Variants in ANGPT1 observed in about 807,000 individuals in gnomAD.
ANGPT1 encodes angiopoietin-1.
Under a neutral mutation model 62.2 loss-of-function variants are expected in ANGPT1, and 17 were observed. The ratio of observed to expected loss-of-function variants is 0.27; its 90% CI spans 0.19 to 0.41. The LOEUF is 0.41. Among genes scored for constraint, ANGPT1 ranks in the 10% least tolerant of loss-of-function variants. The pLI is 1.00. For missense variants in ANGPT1, 478 were observed against 594.9 expected, an observed-to-expected ratio of 0.80 and a Z score of 2.04; for synonymous variants, 199 against 198.9, an observed-to-expected ratio of 1.00 and a Z score of 0.00.
At chr8:107,328,032 C>T (rs954557485) in intron 3 of ANGPT1, among the ~76,000 whole-genome samples, 3 of 152,048 alleles carry the variant, frequency 2.0e-5, no homozygotes, top group Admixed American at 6.6e-5. Context: ...GAGTTCTTAA[C>T]ATAGCAGCCA....
chr8:107,362,721 G>A (rs1352788022), intron 1 of ANGPT1, among the ~76,000 whole-genome samples: 5 of 152,090 alleles, frequency 3.3e-5, no homozygotes, highest in Non-Finnish European at 2.9e-5. Context: ...AGTCTAATGA[G>A]TTTACTGGAA....
intron 1 of ANGPT1, among the ~76,000 whole-genome samples, chr8:107,374,054 C>T (rs952244768): frequency 1.3e-5 from 2 of 152,164 alleles, no homozygotes; most frequent in Non-Finnish European, 2.9e-5. Flanking sequence ...GACCTTAATT[C>T]CCATTTAAGA....
chr8:107,467,133 T>C (rs1812224808), intron 1 of ANGPT1, among the ~76,000 whole-genome samples: 2 of 152,056 alleles, frequency 1.3e-5, no homozygotes, highest in South Asian at 2.1e-4. Context: ...AATTTTAAAA[T>C]AACTAAAAGA....
At chr8:107,389,987 G>A (rs1160351260) in intron 1 of ANGPT1, among the ~76,000 whole-genome samples, 2 of 150,190 alleles carry the variant, frequency 1.3e-5, no homozygotes, top group Non-Finnish European at 3.0e-5. Flanking sequence ...CACAAAATTG[G>A]CATTTTATTG....
intron 6 of ANGPT1, among the ~76,000 whole-genome samples, chr8:107,286,545 G>A (rs149830410): frequency 0.011 from 1,699 of 151,862 alleles, 20 homozygotes; most frequent in Middle Eastern, 0.02. Context: ...TTTGGCCCTC[G>A]TTTTATTTTT....
chr8:107,421,637 G>A (rs1303010374), intron 1 of ANGPT1, among the ~76,000 whole-genome samples: 1 of 152,138 alleles, frequency 6.6e-6, no homozygotes, highest in Non-Finnish European at 1.5e-5. Flanking sequence ...TATCAGGTCC[G>A]GTGTGAAAGC....
At chr8:107,489,358 G>C (rs951739147) in intron 1 of ANGPT1, among the ~76,000 whole-genome samples, 1 of 152,030 alleles carries the variant, frequency 6.6e-6, no homozygotes, top group Non-Finnish European at 1.5e-5. Flanking sequence ...CACATTCCTA[G>C]ATAGACCTCT....
At chr8:107,313,044 C>T (rs375027876) in intron 4 of ANGPT1, among the ~76,000 whole-genome samples, 29 of 152,094 alleles carry the variant, frequency 1.9e-4, no homozygotes, top group African/African-American at 6.3e-4. Flanking sequence ...ACCAAATTTC[C>T]ACTTAAAATT....
intron 3 of ANGPT1, among the ~76,000 whole-genome samples, chr8:107,324,911 T>C (rs1815250883): frequency 6.6e-6 from 1 of 152,170 alleles, no homozygotes; most frequent in Non-Finnish European, 1.5e-5. Flanking sequence ...CCTGCACCGA[T>C]CATAAAGTAA....
At chr8:107,362,941 T>A (rs972199026) in intron 1 of ANGPT1, among the ~76,000 whole-genome samples, 3 of 152,174 alleles carry the variant, frequency 2.0e-5, no homozygotes, top group African/African-American at 7.2e-5. Context: ...AAATAGAGAA[T>A]CTTTGCAATC....
intron 1 of ANGPT1, among the ~76,000 whole-genome samples, chr8:107,435,499 A>C (rs550463623): frequency 2.6e-5 from 4 of 152,292 alleles, no homozygotes; most frequent in African/African-American, 9.6e-5. Flanking sequence ...TAATTTTACC[A>C]TTTTAACAAA....
At chr8:107,255,322 T>C (rs1222751626) in intron 8 of ANGPT1, among the ~76,000 whole-genome samples, 2 of 151,792 alleles carry the variant, frequency 1.3e-5, no homozygotes, top group Admixed American at 6.6e-5. Context: ...CAGGGGAGAG[T>C]GTCTGCCAGC....
chr8:107,414,830 T>C (rs1300572977), intron 1 of ANGPT1, among the ~76,000 whole-genome samples: 2 of 152,192 alleles, frequency 1.3e-5, no homozygotes, highest in Non-Finnish European at 2.9e-5. Context: ...GAGAGGAATC[T>C]ATGAATAGCC....
chr8:107,257,578 C>T (rs1414611851), intron 8 of ANGPT1, among the ~76,000 whole-genome samples: 2 of 152,082 alleles, frequency 1.3e-5, no homozygotes, highest in Non-Finnish European at 2.9e-5. Context: ...TTCTTTTGTT[C>T]GTTTTCAATG....
chr8:107,314,637 A>C (rs1814970817), intron 4 of ANGPT1, among the ~76,000 whole-genome samples: 2 of 152,326 alleles, frequency 1.3e-5, no homozygotes, highest in East Asian at 1.9e-4. Flanking sequence ...GGAAATTGTA[A>C]ATGTTTGACA....
At chr8:107,390,359 T>C (rs1481336003) in intron 1 of ANGPT1, among the ~76,000 whole-genome samples, 1 of 152,064 alleles carries the variant, frequency 6.6e-6, no homozygotes, top group African/African-American at 2.4e-5. Flanking sequence ...ACGTAATTCA[T>C]TGTGACTGTG....
At chr8:107,387,796 T>A (rs1025388592) in intron 1 of ANGPT1, among the ~76,000 whole-genome samples, 3 of 149,866 alleles carry the variant, frequency 2.0e-5, no homozygotes, top group African/African-American at 7.3e-5. Flanking sequence ...GGTTTTTTTT[T>A]AAGATTAAAT....
chr8:107,346,990 G>C lies in ANGPT1; in HGVS notation c.405C>G (p.Leu135=), dbSNP rs1815818586. The change falls in exon 2 of 9, where the codon CTC becomes CTG. Residue 135 remains leucine, a synonymous_variant. Transcript: ENST00000517746. ...TTCTGGTCTGCTCTGCAGTCTGAGA[G>C]AGGAGGCTGGTTCCTATCTCCAGCA... ...ATMLEIGTSL[L]SQTAEQTRKL... is the part of the protein sequence containing the mutation. 2.5e-6 allele frequency: 4 copies of C among 1,613,916 alleles called. No homozygotes were observed. The East Asian group carries it at 8.9e-5, about 36-fold the overall frequency.
intron 7 of ANGPT1, among the ~76,000 whole-genome samples, chr8:107,276,443 G>A (rs1813868633): frequency 6.6e-6 from 1 of 151,854 alleles, no homozygotes; most frequent in African/African-American, 2.4e-5. Context: ...GGACTATGTA[G>A]CCCAGAGGAT....
Sources: allele counts gnomAD v4.1 joint callset (sites outside exome capture counted in the v4.1 genomes callset), GRCh38; gene constraint gnomAD v4.1.1; transcripts MANE v1.5; gene names NCBI Gene and HGNC (gene_info 2026-07-23, HGNC 2026-07-21).